PDGFD: variants seen among roughly 807,000 people sequenced by gnomAD.
PDGFD encodes the protein platelet derived growth factor D.
A neutral mutation model predicts 44.7 loss-of-function variants in PDGFD; 30 were observed. That is an observed-to-expected ratio of 0.67 (90% CI 0.50 to 0.91). PDGFD has a LOEUF of 0.91. PDGFD is among the 40% of genes least tolerant of loss of function. PDGFD has a pLI of 0.00. For missense variants in PDGFD, 445 were observed against 457.8 expected (o/e 0.97, Z 0.25); for synonymous variants, 173 against 168.4 (o/e 1.03, Z -0.21).
chr11:103,983,759 G>A (rs187226906), intron 3 of PDGFD, among the ~76,000 whole-genome samples: 3 of 151,836 alleles, frequency 2.0e-5, no homozygotes, highest in East Asian at 3.9e-4. Context: ...GGCAAAGGAC[G>A]TGAACAGACA....
At chr11:104,154,864 C>G (rs186281604) in intron 1 of PDGFD, among the ~76,000 whole-genome samples, 1 of 152,104 alleles carries the variant, frequency 6.6e-6, no homozygotes, top group Admixed American at 6.6e-5. Context: ...GTAACAGAGA[C>G]CATATGGCCT....
intron 1 of PDGFD, among the ~76,000 whole-genome samples, chr11:104,099,820 T>C (rs1325806855): frequency 6.6e-6 from 1 of 152,028 alleles, no homozygotes; most frequent in East Asian, 1.9e-4. Flanking sequence ...ATTCTAGTAT[T>C]TAATATTTAT....
intron 1 of PDGFD, among the ~76,000 whole-genome samples, chr11:104,041,465 T>C (rs142230014): frequency 9.4e-4 from 141 of 149,526 alleles, no homozygotes; most frequent in African/African-American, 3.5e-3. Flanking sequence ...CTTATAAATA[T>C]CTACTTTTGG....
chr11:104,108,409 T>C (rs970674543), intron 1 of PDGFD, among the ~76,000 whole-genome samples: 3 of 151,908 alleles, frequency 2.0e-5, no homozygotes, highest in African/African-American at 7.3e-5. Context: ...CAGACCCTTC[T>C]CAAAAGAAGA....
chr11:104,082,510 G>A (rs1215420820), intron 1 of PDGFD, among the ~76,000 whole-genome samples: 3 of 152,064 alleles, frequency 2.0e-5, no homozygotes, highest in Non-Finnish European at 4.4e-5. Context: ...TGCAAATTGT[G>A]TTCAAAATTT....
At chr11:104,085,181 T>C (rs1470541993) in intron 1 of PDGFD, among the ~76,000 whole-genome samples, 1 of 152,062 alleles carries the variant, frequency 6.6e-6, no homozygotes, top group African/African-American at 2.4e-5. Context: ...ACAGCACTAT[T>C]CTGTCACCAC....
In PDGFD at chr11:104,029,489, T is replaced by C. The variant is rs569774257; in HGVS notation, c.125-29234A>G. ...GCTACATAAACAACAATCTGAAGTT[T>C]TGTCTTTTATAAGACAGTTGTGGAA... On this transcript the variant is annotated intron_variant, in intron 1 of 6. Coordinates refer to ENST00000393158, the MANE Select transcript of PDGFD (RefSeq NM_025208.5). 1.3e-4 allele frequency among the ~76,000 whole-genome samples: 20 copies of C among 152,376 alleles called. No individual in the cohort carries two copies. In the South Asian group the frequency reaches 4.1e-3, roughly 32 times the overall value.
chr11:104,113,963 G>A (rs1428802534), intron 1 of PDGFD, among the ~76,000 whole-genome samples: 1 of 151,976 alleles, frequency 6.6e-6, no homozygotes, highest in Non-Finnish European at 1.5e-5. Flanking sequence ...TTATTTTTGA[G>A]TGTTAAGAGT....
chr11:104,002,388 T>C (rs1859633536), intron 1 of PDGFD, among the ~76,000 whole-genome samples: 1 of 152,102 alleles, frequency 6.6e-6, no homozygotes, highest in Non-Finnish European at 1.5e-5. Context: ...TGAGTTCTCA[T>C]GAAATCTGAT....
rs115316708 is a variant in PDGFD, at chr11:104,127,832, C to A, written c.124+35972G>T. Among the ~76,000 whole-genome samples the A allele has an allele frequency of 6.8e-3, 1,030 of 152,218 alleles. 9 individuals carry two copies. The highest frequency in any genetic ancestry group is 0.024 in the African/African-American group (979 of 41,534). On this transcript the variant is annotated intron_variant, in intron 1 of 6. Coordinates refer to ENST00000393158, the MANE Select transcript of PDGFD (RefSeq NM_025208.5). ...CAGGGCATCTCTGAGAACATCAGCA[C>A]AGAAATGTATGGAACTTCTCTTAGC...
At chr11:104,007,315 T>C (rs1348625579) in intron 1 of PDGFD, among the ~76,000 whole-genome samples, 1 of 152,152 alleles carries the variant, frequency 6.6e-6, no homozygotes, top group African/African-American at 2.4e-5. Flanking sequence ...TCACCCCTTA[T>C]CCAGCTTTCC....
chr11:104,061,416 T>A (rs1363486809), intron 1 of PDGFD, among the ~76,000 whole-genome samples: 1 of 152,040 alleles, frequency 6.6e-6, no homozygotes, highest in East Asian at 1.9e-4. Context: ...TTCAGAGAAA[T>A]ATATTTGAAC....
chr11:104,095,253 A>C (rs1426532405), intron 1 of PDGFD, among the ~76,000 whole-genome samples: 1 of 152,008 alleles, frequency 6.6e-6, no homozygotes, highest in Non-Finnish European at 1.5e-5. Context: ...CACCCAACTA[A>C]ACTATAATCT....
At chr11:103,992,012 C>G (rs1053524957) in intron 3 of PDGFD, among the ~76,000 whole-genome samples, 1 of 152,144 alleles carries the variant, frequency 6.6e-6, no homozygotes, top group Non-Finnish European at 1.5e-5. Flanking sequence ...TCCTAACCAT[C>G]CAACCATTCA....
At chr11:103,938,450 A>G (rs1202712664) in intron 5 of PDGFD, among the ~76,000 whole-genome samples, 1 of 152,198 alleles carries the variant, frequency 6.6e-6, no homozygotes, top group East Asian at 1.9e-4. Flanking sequence ...GATTCTGGAT[A>G]TTAGCCCTTT....
intron 1 of PDGFD, among the ~76,000 whole-genome samples, chr11:104,119,176 TA>T (rs1486861756): frequency 0.03 from 186 of 6,284 alleles, 49 homozygotes; most frequent in Admixed American, 0.062. Context: ...TATAATATAT[TA>T]ATATAATATA....
At chr11:104,108,153 G>C (rs1591167395) in intron 1 of PDGFD, among the ~76,000 whole-genome samples, 1 of 152,128 alleles carries the variant, frequency 6.6e-6, no homozygotes, top group Middle Eastern at 3.4e-3. Flanking sequence ...AGAGGTCTTG[G>C]TGCTTAAGAT....
At chr11:104,083,764 T>G (rs1254793265) in intron 1 of PDGFD, among the ~76,000 whole-genome samples, 1 of 152,212 alleles carries the variant, frequency 6.6e-6, no homozygotes, top group Non-Finnish European at 1.5e-5. Context: ...CTTAATGTAT[T>G]TGCTGATATA....
intron 1 of PDGFD, among the ~76,000 whole-genome samples, chr11:104,128,162 T>C (rs1459811775): frequency 1.7e-5 from 2 of 119,782 alleles, no homozygotes; most frequent in East Asian, 5.6e-4. Context: ...AAATCTACCC[T>C]GGACCACCTG....
Sources: allele counts gnomAD v4.1 joint callset (sites outside exome capture counted in the v4.1 genomes callset), GRCh38; gene constraint gnomAD v4.1.1; transcripts MANE v1.5; gene names NCBI Gene and HGNC (gene_info 2026-07-23, HGNC 2026-07-21).